The following RAD51B variants were observed in gnomAD, a reference collection of about 807,000 sequenced individuals.
The protein encoded by RAD51B is RAD51 paralog B.
Under a neutral mutation model 42.2 loss-of-function variants are expected in RAD51B, and 38 were observed. That is an observed-to-expected ratio of 0.90 (90% CI 0.70 to 1.18). RAD51B has a LOEUF of 1.18. Ranked by LOEUF, RAD51B falls within the 50% of genes most tolerant of loss-of-function variation. The pLI, the probability that RAD51B is intolerant of heterozygous loss-of-function variation, is 0.00. For missense variants in RAD51B, 373 were observed against 400.7 expected, an observed-to-expected ratio of 0.93 and a Z score of 0.59; for synonymous variants, 154 against 145.2, an observed-to-expected ratio of 1.06 and a Z score of -0.43.
chr14:68,172,549 G>A (rs188618081), intron 7 of RAD51B, among the ~76,000 whole-genome samples: 139 of 152,194 alleles, frequency 9.1e-4, no homozygotes, highest in African/African-American at 3.1e-3. Flanking sequence ...GCTTGTGGGA[G>A]CTCATTTATA....
chr14:67,837,119 C>T (rs1054269173), intron 4 of RAD51B, among the ~76,000 whole-genome samples: 1 of 151,736 alleles, frequency 6.6e-6, no homozygotes, highest in Non-Finnish European at 1.5e-5. Flanking sequence ...TAAATAAATG[C>T]GTGAATTAGT....
At chr14:68,002,594 A>G (rs2075505996) in intron 7 of RAD51B, among the ~76,000 whole-genome samples, 1 of 152,108 alleles carries the variant, frequency 6.6e-6, no homozygotes, top group East Asian at 1.9e-4. Context: ...TCATCATGAA[A>G]TCTTTGCCTG....
intron 7 of RAD51B, among the ~76,000 whole-genome samples, chr14:68,222,226 G>A (rs1484609065): frequency 6.6e-6 from 1 of 152,200 alleles, no homozygotes; most frequent in Non-Finnish European, 1.5e-5. Flanking sequence ...ACTTGCACAT[G>A]TGTGTTTATG....
intron 7 of RAD51B, among the ~76,000 whole-genome samples, chr14:68,094,700 T>C (rs2077162803): frequency 6.6e-6 from 1 of 152,012 alleles, no homozygotes. Context: ...AATTGAGGAG[T>C]ATGATTATCC....
intron 8 of RAD51B, among the ~76,000 whole-genome samples, chr14:68,390,875 C>T (rs2083730228): frequency 6.6e-6 from 1 of 152,130 alleles, no homozygotes; most frequent in Non-Finnish European, 1.5e-5. Context: ...TTAGGGTGTC[C>T]TCTAGACCTC....
At chr14:68,386,561 C>T (rs1487652849) in intron 8 of RAD51B, among the ~76,000 whole-genome samples, 1 of 152,180 alleles carries the variant, frequency 6.6e-6, no homozygotes, top group Non-Finnish European at 1.5e-5. Flanking sequence ...AGAATTTTAG[C>T]AGCAGGGGAT....
At chr14:68,546,593 G>T (rs1888248303) in intron 10 of RAD51B, among the ~76,000 whole-genome samples, 1 of 152,130 alleles carries the variant, frequency 6.6e-6, no homozygotes, top group Non-Finnish European at 1.5e-5. Context: ...ACAGGCTTTT[G>T]GTGATAAACG....
At chr14:68,664,668 C>G (rs1397171956) in intron 11 of RAD51B, among the ~76,000 whole-genome samples, 1 of 152,180 alleles carries the variant, frequency 6.6e-6, no homozygotes, top group Non-Finnish European at 1.5e-5. Context: ...CCCACCTACT[C>G]TGTCATGCTA....
At chr14:68,004,158 G>A (rs2075536961) in intron 7 of RAD51B, among the ~76,000 whole-genome samples, 1 of 151,868 alleles carries the variant, frequency 6.6e-6, no homozygotes, top group Admixed American at 6.6e-5. Flanking sequence ...GTGAAACCCT[G>A]TCTCTACTAA....
At chr14:67,958,087 C>T (rs562488415) in intron 7 of RAD51B, among the ~76,000 whole-genome samples, 20 of 152,310 alleles carry the variant, frequency 1.3e-4, no homozygotes, top group South Asian at 2.1e-4. Context: ...TAATGGCAGC[C>T]GTCACGTCTC....
At chr14:68,353,456 T>C (rs1473592875) in intron 8 of RAD51B, among the ~76,000 whole-genome samples, 2 of 152,142 alleles carry the variant, frequency 1.3e-5, no homozygotes. Flanking sequence ...AGAGGAGGAC[T>C]TGTGGGAAGT....
chr14:67,961,247 T>A (rs2074659994), intron 7 of RAD51B, among the ~76,000 whole-genome samples: 1 of 152,014 alleles, frequency 6.6e-6, no homozygotes, highest in Non-Finnish European at 1.5e-5. Flanking sequence ...CTCAAGCAAT[T>A]CTCCTACCTC....
At chr14:68,375,786 T>A (rs1490619111) in intron 8 of RAD51B, among the ~76,000 whole-genome samples, 1 of 152,112 alleles carries the variant, frequency 6.6e-6, no homozygotes, top group East Asian at 1.9e-4. Flanking sequence ...CCCCTTATAT[T>A]GGCTTGGGGA....
intron 7 of RAD51B, among the ~76,000 whole-genome samples, chr14:67,940,498 C>CT (rs1312674193): frequency 1.3e-5 from 2 of 152,052 alleles, no homozygotes; most frequent in Non-Finnish European, 2.9e-5. Context: ...CTATTTTTTA[C>CT]TTTTTTTGGA....
rs987555514 is a variant in RAD51B at position 67,842,918 on chromosome 14, A to G, written c.315+7722A>G. Among the ~76,000 whole-genome samples, 3 of 152,140 alleles carry G rather than the reference A, an allele frequency of 2.0e-5. No individual in the cohort carries two copies. In the East Asian group the frequency reaches 5.8e-4, roughly 29 times the overall value. ...TATGTTGACAGCTTTTTCTGTGTCT[A>G]TGGAGATGATCATATGGTTTTTACT... On this transcript the variant is annotated intron_variant, in intron 4 of 10. Transcript: ENST00000471583.
chr14:68,382,386 T>G (rs75257424), intron 8 of RAD51B, among the ~76,000 whole-genome samples: 10 of 152,252 alleles, frequency 6.6e-5, no homozygotes, highest in African/African-American at 2.2e-4. Context: ...CTCAAGGTTT[T>G]ATCTTTGACA....
chr14:68,291,944 C>T lies in RAD51B; in HGVS notation c.817C>T (p.Leu273=), dbSNP rs1032737034. The T allele has an allele frequency of 6.2e-7, 1 of 1,613,858 alleles. No individual in the cohort carries two copies. Among genetic ancestry groups the T allele is most frequent in the Non-Finnish European group, 8.5e-7 (1 of 1,179,780 alleles). The change falls in exon 8 of 11, where the codon CTG becomes TTG. Residue 273 remains leucine (L), a synonymous_variant. Transcript: ENST00000471583. ...TGGAGCCCTGGCTTCTCAGGCAGACCTGGTGTCTCCAGCTGATGATTTGTC... is the reference window on the plus strand; with the variant it reads ...TGGAGCCCTGGCTTCTCAGGCAGACTTGGTGTCTCCAGCTGATGATTTGTC... ...LSGALASQAD[L]VSPADDLSLS...
chr14:68,502,997 C>G (rs1240073437), intron 10 of RAD51B, among the ~76,000 whole-genome samples: 1 of 152,214 alleles, frequency 6.6e-6, no homozygotes, highest in African/African-American at 2.4e-5. Context: ...GGACTGGTCC[C>G]TCTGGGACAG....
intron 7 of RAD51B, among the ~76,000 whole-genome samples, chr14:68,188,939 A>T (rs2079209736): frequency 6.7e-6 from 1 of 149,634 alleles, no homozygotes; most frequent in Non-Finnish European, 1.5e-5. Flanking sequence ...GCTTGGTGAA[A>T]CTCGTATGTT....
Sources: gnomAD v4.1 joint callset for allele counts (sites outside exome capture counted in the v4.1 genomes callset) on GRCh38, gnomAD v4.1.1 for gene constraint, MANE v1.5 for transcripts, NCBI Gene and HGNC (gene_info 2026-07-23, HGNC 2026-07-21) for gene names.